Variants in EPG5 observed in about 807,000 individuals in gnomAD.
EPG5 encodes ectopic P-granules 5 autophagy tethering factor, also known as ectopic P granules protein 5 homolog.
Under a neutral mutation model 302.7 loss-of-function variants are expected in EPG5, and 159 were observed. The observed-to-expected ratio is 0.53, with a 90% confidence interval of 0.46 to 0.60. The LOEUF is 0.60. Ranked by LOEUF, EPG5 falls within the 20% of genes least tolerant of loss-of-function variation. The pLI, the probability that EPG5 is intolerant of heterozygous loss-of-function variation, is 0.00. For missense variants in EPG5, 2,896 were observed against 3,092.4 expected, an observed-to-expected ratio of 0.94 and a Z score of 1.51; for synonymous variants, 1,158 against 1,136.8, an observed-to-expected ratio of 1.02 and a Z score of -0.37.
the EPG5 span, chr18:45,839,008 A>G: frequency 6.3e-7 from 1 of 1,592,436 alleles, no homozygotes; most frequent in Non-Finnish European, 8.5e-7. Flanking sequence ...CGGGGCCTCG[A>G]CGGTCGCCCT....
rs192155960 is a variant in EPG5, at chr18:45,948,382, A to C, written c.1571+121T>G. 5.7e-4 allele frequency: 445 copies of C among 784,196 alleles called. 1 individual carries two copies. In the African/African-American group the frequency reaches 6.8e-3, roughly 12 times the overall value. The allele number at this position is 784,196 out of a possible 1,614,324, so 48.6% of individuals were successfully genotyped here. A position where few individuals can be genotyped will look rare whatever the true frequency, so the allele number is the denominator to read the frequency against. On this transcript the variant is annotated intron_variant, in intron 6 of 43. Coordinates refer to ENST00000282041, the MANE Select transcript of EPG5 (RefSeq NM_020964.3). ...ACCCAAAGAAAATCTGCAATGTTAA[A>C]TTCTAGAATGCCAACACTTCCCTTA...
the EPG5 span, among the ~76,000 whole-genome samples, chr18:45,811,558 C>T: frequency 1.8e-4 from 27 of 152,262 alleles, no homozygotes; most frequent in East Asian, 5.2e-3. Context: ...CATCAAAAAG[C>T]TTATCCACCA....
intron 8 of EPG5, among the ~76,000 whole-genome samples, chr18:45,943,634 G>T (rs1486317254): frequency 6.6e-6 from 1 of 152,114 alleles, no homozygotes. Flanking sequence ...CAAGAAGTAA[G>T]ACTCGGGCCA....
chr18:45,945,834 G>A (rs2050775615), intron 7 of EPG5, among the ~76,000 whole-genome samples: 1 of 148,464 alleles, frequency 6.7e-6, no homozygotes, highest in Admixed American at 6.7e-5. Flanking sequence ...CTCAGGAAGA[G>A]AAAAACGACT....
At chr18:45,805,423 TAA>T in the EPG5 span, among the ~76,000 whole-genome samples, 2,312 of 132,416 alleles carry the variant, frequency 0.017, 21 homozygotes, top group Non-Finnish European at 0.022. Context: ...AGAGCTTCTG[TAA>T]AAAAAAAAAA....
rs577918967 is a variant in EPG5 at position 45,922,559 on chromosome 18, G to C, written c.2880C>G (p.Pro960=). The change falls in exon 16 of 44, where the codon CCC becomes CCG. Residue 960 remains proline, a synonymous_variant. Transcript: ENST00000282041. ...AGGCCCATTGGTTAAATGAGGTCTCGGGTGTCTCTCCATATCGAACAATAC... is the reference window on the plus strand; with the variant it reads ...AGGCCCATTGGTTAAATGAGGTCTCCGGTGTCTCTCCATATCGAACAATAC... ...LASIVRYGET[P]ETSFNQWAWN... 1.6e-5 allele frequency: 26 copies of C among 1,614,020 alleles called. 1 individual carries two copies. The highest frequency in any genetic ancestry group is 3.3e-5 in the South Asian group (3 of 91,072).
At chr18:45,832,639 G>A in the EPG5 span, among the ~76,000 whole-genome samples, 1 of 152,146 alleles carries the variant, frequency 6.6e-6, no homozygotes, top group Admixed American at 6.5e-5. Context: ...GGAAGAATGT[G>A]GGTCTCCTGA....
In EPG5 at chr18:45,884,716, A is replaced by T. The variant is rs2145444187; in HGVS notation, c.5205T>A (p.Thr1735=). Residue 1735 remains threonine (T), a synonymous_variant, in exon 30 of 44, where the codon ACT becomes ACA. Transcript: ENST00000282041. ...RLCSLLSPFF[T]PNAAPAEFIQ... is the part of the protein sequence containing the mutation. The stretch of plus-strand genomic sequence containing the variant: ...TGAACTCTGCAGGTGCAGCATTGGG[A>T]GTGAAGAAAGGAGACAGCAGGGAGC... 1.2e-6 allele frequency: 2 copies of T among 1,612,006 alleles called. No homozygotes were observed. Among genetic ancestry groups the T allele is most frequent in the Non-Finnish European group, 1.7e-6 (2 of 1,179,266 alleles).
At position 45,910,531 on chromosome 18, in the gene EPG5, C is replaced by T; in HGVS notation, c.4195G>A (p.Glu1399Lys). ...GYLTSPELHK[E>K]LVRLFNVYIL... The stretch of plus-strand genomic sequence containing the variant: ...AATAACCATACTCACCTCACCAGCT[C>T]CTTGTGCAGTTCTGGTGAAGTCAGG... Residue 1399 changes from glutamate (E) to lysine (K), a missense_variant, in exon 23 of 44, where the codon GAG (glutamate) becomes AAG (lysine). Physicochemically the swap from Glu to Lys is moderately conservative, Grantham distance 56 (BLOSUM62 1). Coordinates refer to ENST00000282041, the MANE Select transcript of EPG5 (RefSeq NM_020964.3). 6.2e-7 allele frequency: 1 copy of T among 1,608,266 alleles called. No individual in the cohort carries two copies.
chr18:45,837,743 C>G, the EPG5 span: 1 of 1,511,842 alleles, frequency 6.6e-7, no homozygotes, highest in Non-Finnish European at 8.8e-7. Context: ...CGGCCGCTTC[C>G]GGCTGCTGGG....
At chr18:45,936,472 A>C (rs1044648637) in intron 10 of EPG5, among the ~76,000 whole-genome samples, 4 of 152,204 alleles carry the variant, frequency 2.6e-5, no homozygotes, top group Non-Finnish European at 4.4e-5. Flanking sequence ...TCACGCCTGT[A>C]ATCCCAACAC....
At chr18:45,870,302 T>C (rs1298140450) in intron 36 of EPG5, among the ~76,000 whole-genome samples, 4 of 152,154 alleles carry the variant, frequency 2.6e-5, no homozygotes, top group Admixed American at 6.5e-5. Context: ...AACTACGTAC[T>C]CACACGTGAC....
At chr18:45,837,854 G>A in the EPG5 span, 3 of 1,539,014 alleles carry the variant, frequency 1.9e-6, no homozygotes, top group Non-Finnish European at 2.6e-6. Flanking sequence ...CGACGTCCAT[G>A]ACCGCTACGA....
chr18:45,856,928 T>C (rs2048526850), intron 42 of EPG5, among the ~76,000 whole-genome samples: 1 of 152,162 alleles, frequency 6.6e-6, no homozygotes, highest in African/African-American at 2.4e-5. Flanking sequence ...TCATTTTTTC[T>C]GTTTTTTTGA....
At chr18:45,879,261 A>ACT in intron 32 of EPG5, 47 bp from the exon 33 acceptor site, 1 of 1,420,718 alleles carries the variant, frequency 7.0e-7, no homozygotes, top group Non-Finnish European at 9.7e-7. Context: ...TATGTATTTT[A>ACT]GTAAAGTGTT....
At chr18:45,916,307 T>C in intron 18 of EPG5, 101 bp from the exon 19 acceptor site, 3 of 1,518,782 alleles carry the variant, frequency 2.0e-6, no homozygotes, top group Admixed American at 2.1e-5. Flanking sequence ...ATCCCAAATC[T>C]ATTGCCTTTC....
At chr18:45,899,153 T>A (rs1568133447) in intron 27 of EPG5, among the ~76,000 whole-genome samples, 1 of 152,048 alleles carries the variant, frequency 6.6e-6, no homozygotes, top group Non-Finnish European at 1.5e-5. Flanking sequence ...GTTGAAGCCC[T>A]CTCTCTAGGA....
chr18:45,942,527 C>T (rs2050692832), intron 9 of EPG5, among the ~76,000 whole-genome samples: 1 of 151,810 alleles, frequency 6.6e-6, no homozygotes, highest in Non-Finnish European at 1.5e-5. Context: ...TGCTTGAACC[C>T]AGGAGGCGTG....
At chr18:45,929,500 T>C (rs1052940825) in intron 12 of EPG5, among the ~76,000 whole-genome samples, 9 of 152,168 alleles carry the variant, frequency 5.9e-5, no homozygotes, top group African/African-American at 1.7e-4. Flanking sequence ...TTTAACACAA[T>C]GGAATATACA....
Sources: gnomAD v4.1 joint callset for allele counts (sites outside exome capture counted in the v4.1 genomes callset) on GRCh38, gnomAD v4.1.1 for gene constraint, MANE v1.5 for transcripts, NCBI Gene and HGNC (gene_info 2026-07-23, HGNC 2026-07-21) for gene names.